The following PLEKHM3 variants were observed in gnomAD, a reference collection of about 807,000 sequenced individuals.
PLEKHM3 encodes pleckstrin homology domain containing M3, also known as pleckstrin homology domain-containing family M member 3.
In PLEKHM3, 45 loss-of-function variants were observed where a neutral mutation model predicts 81.8. That is an observed-to-expected ratio of 0.55 (90% confidence interval 0.43 to 0.71). PLEKHM3 has a LOEUF of 0.71. Among genes scored for constraint, PLEKHM3 ranks in the 30% least tolerant of loss-of-function variants. PLEKHM3 has a pLI of 0.00. For synonymous variants in PLEKHM3, 352 were observed against 356.4 expected (o/e 0.99, Z 0.14); for missense variants, 788 against 924.3 (o/e 0.85, Z 1.91).
At chr2:207,965,994 C>CA (rs1690896346) in intron 3 of PLEKHM3, among the ~76,000 whole-genome samples, 1 of 152,212 alleles carries the variant, frequency 6.6e-6, no homozygotes, top group South Asian at 2.1e-4. Context: ...CCACACAGAG[C>CA]AAAGTCAGTC....
chr2:207,870,749 C>T (rs2092529335), intron 6 of PLEKHM3, among the ~76,000 whole-genome samples: 2 of 152,168 alleles, frequency 1.3e-5, no homozygotes, highest in Non-Finnish European at 2.9e-5. Flanking sequence ...ACACACCTCA[C>T]GAGACTATTC....
At chr2:207,964,714 T>A (rs1313609523) in intron 3 of PLEKHM3, among the ~76,000 whole-genome samples, 1 of 152,192 alleles carries the variant, frequency 6.6e-6, no homozygotes, top group Non-Finnish European at 1.5e-5. Flanking sequence ...TCAGGCTTGC[T>A]CCATTTTTCA....
chr2:207,982,869 C>T (rs185346155), intron 2 of PLEKHM3, among the ~76,000 whole-genome samples: 29 of 152,154 alleles, frequency 1.9e-4, no homozygotes, highest in African/African-American at 6.0e-4. Flanking sequence ...TGAGCCACCG[C>T]GCCCGGCCTG....
chr2:207,986,905 C>T (rs1433232559), intron 2 of PLEKHM3, among the ~76,000 whole-genome samples: 2 of 147,886 alleles, frequency 1.4e-5, no homozygotes, highest in African/African-American at 2.5e-5. Context: ...GTCTCAAACT[C>T]CTGGGCTCAA....
chr2:207,869,997 C>A (rs757850275), intron 6 of PLEKHM3: 1 of 152,126 alleles, frequency 6.6e-6, no homozygotes, highest in Non-Finnish European at 1.5e-5. Context: ...TCAAAAATTA[C>A]AATTAAGTTA....
intron 6 of PLEKHM3, among the ~76,000 whole-genome samples, chr2:207,887,272 A>G (rs926585587): frequency 3.3e-5 from 5 of 152,248 alleles, no homozygotes; most frequent in Non-Finnish European, 7.3e-5. Context: ...CTACAAATGC[A>G]TCTAAGGCAA....
chr2:207,910,949 G>A (rs1688792247), intron 5 of PLEKHM3, among the ~76,000 whole-genome samples: 1 of 152,194 alleles, frequency 6.6e-6, no homozygotes, highest in African/African-American at 2.4e-5. Flanking sequence ...TGACCCTGAA[G>A]TATAGAGCCT....
At chr2:207,874,127 G>C (rs2092548826) in intron 6 of PLEKHM3, among the ~76,000 whole-genome samples, 1 of 152,136 alleles carries the variant, frequency 6.6e-6, no homozygotes, top group South Asian at 2.1e-4. Context: ...CTGTATGCCT[G>C]GGCACCTGTA....
intron 2 of PLEKHM3, among the ~76,000 whole-genome samples, chr2:207,992,215 GT>G (rs370832613): frequency 6.6e-6 from 1 of 152,196 alleles, no homozygotes; most frequent in African/African-American, 2.4e-5. Context: ...CAGTCTTGGA[GT>G]TAGACTTGGC....
At chr2:207,968,545 C>T (rs2106012443) in intron 3 of PLEKHM3, among the ~76,000 whole-genome samples, 1 of 152,282 alleles carries the variant, frequency 6.6e-6, no homozygotes, top group Middle Eastern at 3.4e-3. Flanking sequence ...CCCTTCAAGC[C>T]CTCCATAGCC....
chr2:207,967,366 T>C (rs896715993), intron 3 of PLEKHM3, among the ~76,000 whole-genome samples: 1 of 152,222 alleles, frequency 6.6e-6, no homozygotes, highest in African/African-American at 2.4e-5. Context: ...TATGCCCACA[T>C]GGGCTGCTGT....
chr2:207,842,023 C>G (rs1170143517), intron 7 of PLEKHM3, among the ~76,000 whole-genome samples: 1 of 152,272 alleles, frequency 6.6e-6, no homozygotes, highest in African/African-American at 2.4e-5. Context: ...CTGCAAGCTC[C>G]GCCTCCCGGG....
At chr2:207,841,441 T>C (rs2092351485) in intron 7 of PLEKHM3, among the ~76,000 whole-genome samples, 1 of 91,444 alleles carries the variant, frequency 1.1e-5, no homozygotes. Flanking sequence ...ACAGCGAGAC[T>C]CCATCTCAAA....
Position 207,933,533 on chromosome 2 carries a change from G to C in PLEKHM3, c.1693-2414C>G, listed in dbSNP as rs553415145. Among the ~76,000 whole-genome samples the C allele has an allele frequency of 3.3e-5, 5 of 152,216 alleles. No individual in the cohort carries two copies. In the South Asian group the frequency reaches 1.0e-3, roughly 32 times the overall value. Reference sequence around the variant, plus strand: ...GGCTCTGTTGAGCAGTGTTTATATGGAGTCAGGGCCCTGCTGAATTAGGTT... The same window carrying C: ...GGCTCTGTTGAGCAGTGTTTATATGCAGTCAGGGCCCTGCTGAATTAGGTT... On this transcript the variant is annotated intron_variant, in intron 4 of 7. Coordinates refer to ENST00000427836, the MANE Select transcript of PLEKHM3 (RefSeq NM_001080475.3).
chr2:207,988,712 A>C (rs1188363285), intron 2 of PLEKHM3, among the ~76,000 whole-genome samples: 1 of 152,086 alleles, frequency 6.6e-6, no homozygotes, highest in Non-Finnish European at 1.5e-5. Flanking sequence ...CTACCCCCTT[A>C]TGGCTGAACC....
At chr2:208,005,711 TTCTC>T (rs1229912675) in intron 1 of PLEKHM3, among the ~76,000 whole-genome samples, 1 of 152,272 alleles carries the variant, frequency 6.6e-6, no homozygotes. Flanking sequence ...CATTTAGTGT[TTCTC>T]TCTCTCCACT....
At position 207,936,920 on chromosome 2, in the gene PLEKHM3, T is replaced by C. The variant is rs958098183; in HGVS notation, c.1693-5801A>G. Among the ~76,000 whole-genome samples, 3 of 151,316 alleles carry C rather than the reference T, an allele frequency of 2.0e-5. No individual in the cohort carries two copies. In the East Asian group the frequency reaches 5.9e-4, roughly 30 times the overall value. On this transcript the variant is annotated intron_variant, in intron 4 of 7. Transcript: ENST00000427836. ...AAAATTCATGAAATATTTTAAAAAA[T>C]GCAAGGAAGAGTTTTATTATCTAAA...
At chr2:207,973,976 G>A (rs765989651) in intron 3 of PLEKHM3, among the ~76,000 whole-genome samples, 1 of 151,970 alleles carries the variant, frequency 6.6e-6, no homozygotes, top group African/African-American at 2.4e-5. Context: ...TGCCCCGTTC[G>A]TTAAAACTCC....
chr2:207,961,692 C>CTG (rs1175385178), intron 3 of PLEKHM3, among the ~76,000 whole-genome samples: 1 of 152,190 alleles, frequency 6.6e-6, no homozygotes, highest in East Asian at 1.9e-4. Flanking sequence ...TCCCACCACT[C>CTG]TGAGTTGCGG....
Sources: gnomAD v4.1 joint callset for allele counts (sites outside exome capture counted in the v4.1 genomes callset) on GRCh38, gnomAD v4.1.1 for gene constraint, MANE v1.5 for transcripts, NCBI Gene and HGNC (gene_info 2026-07-23, HGNC 2026-07-21) for gene names.